PRR12: variants seen among roughly 807,000 people sequenced by gnomAD.
The protein encoded by PRR12 is proline-rich protein 12.
PRR12 carries 12 observed loss-of-function variants against 138.0 expected under a neutral mutation model. That is an observed-to-expected ratio of 0.09 (90% CI 0.06 to 0.14). The LOEUF (loss-of-function observed/expected upper bound fraction) is 0.14. Ranked by LOEUF, PRR12 falls within the 10% of genes least tolerant of loss-of-function variation. The pLI is 1.00. For synonymous variants in PRR12, 1,567 were observed against 1,291.7 expected (o/e 1.21, Z -4.57); for missense variants, 2,692 against 2,861.3 (o/e 0.94, Z 1.35).
At chr19:49,601,067 CAG>C (rs1195816753) in intron 5 of PRR12, among the ~76,000 whole-genome samples, 10 of 152,112 alleles carry the variant, frequency 6.6e-5, no homozygotes, top group South Asian at 2.1e-4. Flanking sequence ...AGCTGGCAGA[CAG>C]GGGAGAGGTT....
rs1599785018 is a variant in PRR12 at position 49,595,541 on chromosome 19, T to C, written c.1206T>C (p.Gly402=). 6.3e-7 allele frequency: 1 copy of C among 1,579,000 alleles called. No individual in the cohort carries two copies. Among genetic ancestry groups the C allele is most frequent in the East Asian group, 2.3e-5 (1 of 42,864 alleles). The part of the protein sequence containing the change: ...GKGGYGAAAG[G]ATRPPPPRST... ...GTGGTTATGGAGCAGCTGCCGGGGG[T>C]GCCACCAGGCCCCCCCCACCCCGTT... The change falls in exon 4 of 14, where the codon GGT becomes GGC. Residue 402 remains glycine, a synonymous_variant. Coordinates refer to ENST00000418929, the MANE Select transcript of PRR12 (RefSeq NM_020719.3).
chr19:49,600,696 T>TC (rs2080805465), intron 5 of PRR12, among the ~76,000 whole-genome samples: 1 of 151,326 alleles, frequency 6.6e-6, no homozygotes. Flanking sequence ...CCTATAACGT[T>TC]CTTTTTTTTT....
In PRR12 at chr19:49,614,544, G is replaced by A; in HGVS notation, c.4785G>A (p.Gln1595=). 1 of 1,550,238 alleles carries A rather than the reference G, an allele frequency of 6.5e-7. No individual in the cohort carries two copies. ...CCCCTCCTCCTCAGCTGGCGTTGCA[G>A]ACGGGGCGTGAACCCCCACCCATCT... ...EDIPSLKLAL[Q]TGREPPPIWR... is the part of the protein sequence containing the mutation. Residue 1595 remains glutamine, a synonymous_variant, in exon 7 of 14, where the codon CAG becomes CAA. Coordinates refer to ENST00000418929, the MANE Select transcript of PRR12 (RefSeq NM_020719.3). The surrounding 1 kb of genome is among the most constrained non-coding windows in gnomAD (Gnocchi z 5.0).
Position 49,615,840 on chromosome 19 carries a change from T to G in PRR12, c.5118T>G (p.Pro1706=), listed in dbSNP as rs1306849300. 6.2e-7 allele frequency: 1 copy of G among 1,610,282 alleles called. No homozygotes were observed. Among genetic ancestry groups the G allele is most frequent in the Non-Finnish European group, 8.5e-7 (1 of 1,178,460 alleles). ...APAPPPKPET[P]EKTTSEKPPE... Reference sequence around the variant, plus strand: ...CACCACCTCCCAAGCCTGAGACCCCTGAAAAGACGACATCTGAGAAGCCCC... The same window carrying G: ...CACCACCTCCCAAGCCTGAGACCCCGGAAAAGACGACATCTGAGAAGCCCC... The change falls in exon 9 of 14, where the codon CCT becomes CCG. Residue 1706 remains proline, a synonymous_variant. Coordinates refer to ENST00000418929, the MANE Select transcript of PRR12 (RefSeq NM_020719.3).
In PRR12 at chr19:49,616,858, G is replaced by A. The variant is rs2080895685; in HGVS notation, c.5497+639G>A. Among the ~76,000 whole-genome samples the A allele has an allele frequency of 6.6e-6, 1 of 152,230 alleles. No individual in the cohort carries two copies. The highest frequency in any genetic ancestry group is 1.9e-4 in the East Asian group (1 of 5,200). On this transcript the variant is annotated intron_variant, in intron 9 of 13. Transcript: ENST00000418929. The surrounding 1 kb of genome is among the most constrained non-coding windows in gnomAD (Gnocchi z 4.2). ...ATGATGTCTGGTTAGGCCGGGCACA[G>A]TGGCTCGCGCCTGTAATCCCAACAC...
intron 11 of PRR12, among the ~76,000 whole-genome samples, chr19:49,622,914 T>TAC (rs2080931710): frequency 1.3e-5 from 1 of 77,722 alleles, no homozygotes; most frequent in African/African-American, 7.0e-5. Context: ...AAAACATATA[T>TAC]ATATATATAT....
In PRR12 at chr19:49,596,900, C is replaced by T. The variant is rs775205189; in HGVS notation, c.2565C>T (p.Arg855=). The change falls in exon 4 of 14, where the codon CGC becomes CGT. Residue 855 remains arginine, a synonymous_variant. Transcript: ENST00000418929. The surrounding 1 kb of genome is among the most constrained non-coding windows in gnomAD (Gnocchi z 5.6). The stretch of plus-strand genomic sequence containing the variant: ...CCCTGCAGCTCGAGGCCCACCTCCG[C>T]AGCCATGGCCTGGAGCCCGCGGCCC... ...PMPLQLEAHL[R]SHGLEPAAPS... 4.5e-6 allele frequency: 7 copies of T among 1,556,886 alleles called. No individual in the cohort carries two copies. The highest frequency in any genetic ancestry group is 3.8e-5 in the Admixed American group (2 of 53,286).
intron 6 of PRR12, among the ~76,000 whole-genome samples, chr19:49,602,137 A>G (rs890832621): frequency 6.6e-6 from 1 of 152,172 alleles, no homozygotes; most frequent in African/African-American, 2.4e-5. Flanking sequence ...ACCTGTATAT[A>G]AGGTAAAGCG....
At chr19:49,620,876 G>A (rs575774851) in intron 10 of PRR12, among the ~76,000 whole-genome samples, 1 of 147,270 alleles carries the variant, frequency 6.8e-6, no homozygotes, top group East Asian at 2.1e-4. Context: ...TTCTGAGGGA[G>A]GAGAGGCTGG....
chr19:49,608,560 G>A (rs1225518955), intron 6 of PRR12, among the ~76,000 whole-genome samples: 2 of 151,972 alleles, frequency 1.3e-5, no homozygotes, highest in Non-Finnish European at 2.9e-5. Context: ...TAGTAGAGAC[G>A]GGGTTTCACC....
chr19:49,597,447 G>T lies in PRR12; in HGVS notation c.3112G>T (p.Ala1038Ser), dbSNP rs1568423481. 1.3e-6 allele frequency: 2 copies of T among 1,538,936 alleles called. No individual in the cohort carries two copies. The highest frequency in any genetic ancestry group is 1.7e-6 in the Non-Finnish European group (2 of 1,145,538). ...GATCCAGAGTGGCCCCCACCAGGCG[G>T]CGCCACCACCCCCGCCTCCGCCACC... The part of the protein sequence containing the change: ...GLIQSGPHQA[A>S]PPPPPPPPPP... The change falls in exon 4 of 14, where the codon GCG becomes TCG. Residue 1038 changes from alanine to serine, a missense_variant. This residue lies in a region of PRR12 where 840 missense variants were observed against 689.8 expected (regional missense o/e 1.22). Coordinates refer to ENST00000418929, the MANE Select transcript of PRR12 (RefSeq NM_020719.3). This position sits in a 1 kb window ranked among gnomAD's most constrained non-coding sequence, Gnocchi z 6.3.
intron 6 of PRR12, among the ~76,000 whole-genome samples, chr19:49,607,809 C>T (rs2080846487): frequency 6.6e-6 from 1 of 151,662 alleles, no homozygotes; most frequent in African/African-American, 2.4e-5. Flanking sequence ...ACCTGAGGTC[C>T]GGAGTTCAAG....
Position 49,593,325 on chromosome 19 carries a change from A to G in PRR12, c.87-2A>G. ...CCCCTGACGTCTCCCCTTTCCCCCCAGCTTGGTTTATGGCAGCTCCAGGAC... is the reference window on the plus strand; with the variant it reads ...CCCCTGACGTCTCCCCTTTCCCCCCGGCTTGGTTTATGGCAGCTCCAGGAC... On this transcript the variant is annotated splice_acceptor_variant, in intron 1 of 13. Coordinates refer to ENST00000418929, the MANE Select transcript of PRR12 (RefSeq NM_020719.3). LOFTEE classifies it high-confidence loss of function. 1 of 1,409,322 alleles carries G rather than the reference A, an allele frequency of 7.1e-7. No homozygotes were observed. Among genetic ancestry groups the G allele is most frequent in the Non-Finnish European group, 9.4e-7 (1 of 1,058,934 alleles). 87.3% of individuals were successfully genotyped at this position (1,409,322 alleles called of 1,614,324 possible). A position where few individuals can be genotyped will look rare whatever the true frequency, so the allele number is the denominator to read the frequency against.
At chr19:49,608,946 C>T (rs563219121) in intron 6 of PRR12, among the ~76,000 whole-genome samples, 3 of 152,180 alleles carry the variant, frequency 2.0e-5, no homozygotes, top group East Asian at 1.9e-4. Flanking sequence ...CTCCTTCCCC[C>T]GTCTGTCAAC....
At position 49,595,423 on chromosome 19, in the gene PRR12, C is replaced by T. The variant is rs759637531; in HGVS notation, c.1088C>T (p.Thr363Met). Reference sequence around the variant, plus strand: ...ACGGCTGGGGCATCTGGCCGGGCCACGGGCCCTGAGGCAGCAGGGGGCGGT... The same window carrying T: ...ACGGCTGGGGCATCTGGCCGGGCCATGGGCCCTGAGGCAGCAGGGGGCGGT... ...GATAGASGRA[T>M]GPEAAGGGGA... is the part of the protein sequence containing the mutation. The change falls in exon 4 of 14, where the codon ACG (threonine) becomes ATG (methionine). Residue 363 changes from threonine (T) to methionine (M), a missense_variant. By Grantham distance (81) the Thr-to-Met change is moderately conservative (BLOSUM62 -1). Coordinates refer to ENST00000418929, the MANE Select transcript of PRR12 (RefSeq NM_020719.3). 59 of 1,535,824 alleles carry T rather than the reference C, an allele frequency of 3.8e-5. No individual in the cohort carries two copies. Among genetic ancestry groups the T allele is most frequent in the East Asian group, 4.9e-5 (2 of 40,812 alleles).
In PRR12 at chr19:49,625,085, G is replaced by GCATCCCCACT. The variant is rs2080947968; in HGVS notation, c.5869-16_5869-15insCCCACTCATC. 1.9e-6 allele frequency: 3 copies of GCATCCCCACT among 1,611,926 alleles called. No homozygotes were observed. Among genetic ancestry groups the GCATCCCCACT allele is most frequent in the Admixed American group, 3.3e-5 (2 of 59,954 alleles). The stretch of plus-strand genomic sequence containing the variant: ...CAAGTGCCGGGCTGGAGGGGCTGAG[G>GCATCCCCACT]CATCTCCACTCCTACCCAGGAGTTC... On this transcript the variant is annotated intron_variant, in intron 12 of 13. Transcript: ENST00000418929. This position sits in a 1 kb window ranked among gnomAD's most constrained non-coding sequence, Gnocchi z 5.5.
At position 49,596,929 on chromosome 19, in the gene PRR12, GC is replaced by G; in HGVS notation, c.2599del (p.Arg867AlafsTer33). On this transcript the variant is annotated frameshift_variant, in exon 4 of 14. Coordinates refer to ENST00000418929, the MANE Select transcript of PRR12 (RefSeq NM_020719.3). LOFTEE classifies it high-confidence loss of function. The surrounding 1 kb of genome is among the most constrained non-coding windows in gnomAD (Gnocchi z 5.6). ...RSHGLEPAAP[S>X]PRLRPEESLD... ...CATGGCCTGGAGCCCGCGGCCCCCAGCCCCCGCCTGCGACCCGAGGAGAGCC... is the reference window on the plus strand; with the variant it reads ...CATGGCCTGGAGCCCGCGGCCCCCAGCCCCGCCTGCGACCCGAGGAGAGCC... 1.4e-6 allele frequency: 2 copies of G among 1,424,402 alleles called. No individual in the cohort carries two copies. Among genetic ancestry groups the G allele is most frequent in the Non-Finnish European group, 9.3e-7 (1 of 1,076,310 alleles). 88.2% of individuals were successfully genotyped at this position (1,424,402 alleles called of 1,614,324 possible).
chr19:49,594,510 G>A lies in PRR12; in HGVS notation c.256G>A (p.Ala86Thr), dbSNP rs772931123. Residue 86 changes from alanine to threonine, a missense_variant, in exon 3 of 14, where the codon GCC becomes ACC. By Grantham distance (58) the Ala-to-Thr change is moderately conservative. Around this residue, in one of 11 missense-constraint regions of PRR12, gnomAD observed 211 missense variants for 266.3 expected, o/e 0.79. Transcript: ENST00000418929. This position sits in a 1 kb window ranked among gnomAD's most constrained non-coding sequence, Gnocchi z 5.6. Reference protein sequence around the residue: ...LHHAGSAGPDASVMNLISALE... With the variant: ...LHHAGSAGPDTSVMNLISALE... ...CCACGCGGGCTCAGCAGGGCCCGACGCCTCCGTCATGAACCTTATCTCGGC... is the reference window on the plus strand; with the variant it reads ...CCACGCGGGCTCAGCAGGGCCCGACACCTCCGTCATGAACCTTATCTCGGC... 4.4e-5 allele frequency: 71 copies of A among 1,612,674 alleles called. No homozygotes were observed. Among genetic ancestry groups the A allele is most frequent in the Non-Finnish European group, 5.6e-5 (66 of 1,179,360 alleles).
In PRR12 at chr19:49,595,752, C is replaced by T; in HGVS notation, c.1417C>T (p.Pro473Ser). Residue 473 changes from proline to serine, a missense_variant, in exon 4 of 14, where the codon CCC (proline) becomes TCC (serine). By Grantham distance (74) the Pro-to-Ser change is moderately conservative (BLOSUM62 -1). Transcript: ENST00000418929. The stretch of plus-strand genomic sequence containing the variant: ...GCAGGCACAGGACTTGAGCAAAGCC[C>T]CCAGCTACTCAGGGGGCCCCCCACA... ...GGQAQDLSKA[P>S]SYSGGPPQPP... 6.2e-7 allele frequency: 1 copy of T among 1,600,378 alleles called. No individual in the cohort carries two copies. Among genetic ancestry groups the T allele is most frequent in the Non-Finnish European group, 8.5e-7 (1 of 1,173,874 alleles).
Sources: gnomAD v4.1 joint callset for allele counts (sites outside exome capture counted in the v4.1 genomes callset) on GRCh38, gnomAD v4.1.1 for gene constraint, gnomAD v4.1.1 regional missense constraint, Gnocchi (gnomAD v3.1) non-coding constraint, MANE v1.5 for transcripts, NCBI Gene and HGNC (gene_info 2026-07-23, HGNC 2026-07-21) for gene names.